PTPRK: variants seen among roughly 807,000 people sequenced by gnomAD.
PTPRK encodes protein tyrosine phosphatase receptor type K, also known as receptor-type tyrosine-protein phosphatase kappa.
Under a neutral mutation model 178.0 loss-of-function variants are expected in PTPRK, and 75 were observed. The ratio of observed to expected loss-of-function variants is 0.42; its 90% CI spans 0.35 to 0.51. PTPRK has a LOEUF of 0.51. Among genes scored for constraint, PTPRK ranks in the 20% least tolerant of loss-of-function variants. The pLI is 0.02. For missense variants in PTPRK, 1,441 were observed against 1,797.8 expected (o/e 0.80, Z 3.59); for synonymous variants, 637 against 620.6 (o/e 1.03, Z -0.39).
At chr6:128,147,619 C>T (rs1796676313) in intron 7 of PTPRK, among the ~76,000 whole-genome samples, 3 of 152,136 alleles carry the variant, frequency 2.0e-5, no homozygotes, top group Non-Finnish European at 4.4e-5. Context: ...AGACTTCTTC[C>T]TATCAGCAGC....
intron 1 of PTPRK, among the ~76,000 whole-genome samples, chr6:128,485,371 T>C (rs1372021529): frequency 2.0e-5 from 3 of 152,142 alleles, no homozygotes; most frequent in African/African-American, 7.2e-5. Context: ...AATGGAAAAA[T>C]CTCCTGGCAT....
At chr6:128,422,390 T>C (rs1245369859) in intron 1 of PTPRK, among the ~76,000 whole-genome samples, 2 of 151,902 alleles carry the variant, frequency 1.3e-5, no homozygotes, top group Non-Finnish European at 2.9e-5. Context: ...CAAAGAGAAA[T>C]AGGTAAGTGA....
At chr6:128,337,101 C>T (rs1831036110) in intron 2 of PTPRK, among the ~76,000 whole-genome samples, 1 of 152,146 alleles carries the variant, frequency 6.6e-6, no homozygotes, top group East Asian at 1.9e-4. Context: ...ATTCTCTTTT[C>T]TCCCCTAAGA....
At chr6:128,471,595 A>G (rs144599469) in intron 1 of PTPRK, among the ~76,000 whole-genome samples, 3,290 of 139,220 alleles carry the variant, frequency 0.024, 83 homozygotes, top group African/African-American at 0.066. Flanking sequence ...CACTAGATAC[A>G]AAACAACCTA....
intron 1 of PTPRK, among the ~76,000 whole-genome samples, chr6:128,442,702 T>A (rs187870011): frequency 6.6e-6 from 1 of 152,288 alleles, no homozygotes; most frequent in East Asian, 1.9e-4. Context: ...ACTAAACTTG[T>A]GCAAAAATGG....
rs111747124 is a variant in PTPRK at position 128,242,693 on chromosome 6, T to C, written c.496-91A>G. Reference sequence around the variant, plus strand: ...ATAGCTAAATATATGCAAAAGTAAATCTAATTTTTGTTCAGTAAGAATTAA... The same window carrying C: ...ATAGCTAAATATATGCAAAAGTAAACCTAATTTTTGTTCAGTAAGAATTAA... On this transcript the variant is annotated intron_variant, in intron 3 of 29. Coordinates refer to ENST00000368226, the MANE Select transcript of PTPRK (RefSeq NM_002844.4). The C allele has an allele frequency of 3.6e-5, 53 of 1,483,384 alleles. No individual in the cohort carries two copies. The African/African-American group carries it at 4.6e-4, about 13-fold the overall frequency. The allele number at this position is 1,483,384 out of a possible 1,614,324, so 91.9% of individuals were successfully genotyped here. A position where few individuals can be genotyped will look rare whatever the true frequency, so the allele number is the denominator to read the frequency against.
chr6:127,994,804 C>T (rs1776960796), intron 18 of PTPRK, among the ~76,000 whole-genome samples: 1 of 151,680 alleles, frequency 6.6e-6, no homozygotes, highest in African/African-American at 2.4e-5. Context: ...AATTATTTTG[C>T]CTGAGTAATT....
chr6:128,146,406 TTA>T (rs1160116020), intron 7 of PTPRK, among the ~76,000 whole-genome samples: 3 of 150,432 alleles, frequency 2.0e-5, no homozygotes, highest in Non-Finnish European at 1.5e-5. Flanking sequence ...GTGTGTGTGT[TTA>T]TGTGTGTGTG....
chr6:127,970,203 T>C lies in PTPRK; in HGVS notation c.*24A>G. 1 of 1,580,992 alleles carries C rather than the reference T, an allele frequency of 6.3e-7. No individual in the cohort carries two copies. Among genetic ancestry groups the C allele is most frequent in the Non-Finnish European group, 8.7e-7 (1 of 1,154,602 alleles). On this transcript the variant is annotated 3_prime_UTR_variant, in exon 30 of 30. Transcript: ENST00000368226. ...ATAGATGGACAGGTTTCTTCATGGA[T>C]GCACTTTAAAGAGTCTCACCCAACT...
intron 6 of PTPRK, among the ~76,000 whole-genome samples, chr6:128,204,055 T>C (rs774063317): frequency 3.3e-5 from 5 of 152,114 alleles, no homozygotes; most frequent in Non-Finnish European, 5.9e-5. Context: ...CAAAACAGCA[T>C]AGTATTGATA....
At chr6:128,026,537 G>T (rs144554436) in intron 13 of PTPRK, among the ~76,000 whole-genome samples, 2,976 of 152,124 alleles carry the variant, frequency 0.02, 48 homozygotes, top group Admixed American at 0.039. Context: ...TGCTCTCTAG[G>T]CTTGTTCTGA....
intron 2 of PTPRK, among the ~76,000 whole-genome samples, chr6:128,348,912 T>C (rs779676050): frequency 6.6e-6 from 1 of 152,058 alleles, no homozygotes; most frequent in African/African-American, 2.4e-5. Context: ...GAAATGACTG[T>C]GTCCTTATTA....
intron 13 of PTPRK, among the ~76,000 whole-genome samples, chr6:128,043,643 CA>C (rs5879874): frequency 1.3e-4 from 20 of 150,470 alleles, no homozygotes; most frequent in African/African-American, 3.4e-4. Context: ...CTTGAAGGGG[CA>C]AAAAAAAAAG....
At chr6:128,427,407 G>T (rs559303991) in intron 1 of PTPRK, among the ~76,000 whole-genome samples, 4 of 152,258 alleles carry the variant, frequency 2.6e-5, no homozygotes, top group African/African-American at 9.6e-5. Context: ...GAACTACTGT[G>T]CAGTTACATT....
chr6:128,104,948 A>G (rs1301954186), intron 7 of PTPRK, among the ~76,000 whole-genome samples: 1 of 152,224 alleles, frequency 6.6e-6, no homozygotes, highest in Non-Finnish European at 1.5e-5. Flanking sequence ...GAAAGTGTAA[A>G]CATAAAGATG....
intron 1 of PTPRK, among the ~76,000 whole-genome samples, chr6:128,478,413 G>A (rs1015360562): frequency 7.9e-5 from 12 of 152,144 alleles, no homozygotes; most frequent in African/African-American, 2.4e-4. Flanking sequence ...TGCTAGTTCC[G>A]GAACTGCTCT....
chr6:128,299,812 G>A (rs911522493), intron 3 of PTPRK, among the ~76,000 whole-genome samples: 1 of 152,136 alleles, frequency 6.6e-6, no homozygotes, highest in African/African-American at 2.4e-5. Context: ...ATAGGCATGG[G>A]AAAGGACTTC....
chr6:128,453,089 C>G (rs1182677094), intron 1 of PTPRK, among the ~76,000 whole-genome samples: 1 of 152,140 alleles, frequency 6.6e-6, no homozygotes, highest in Non-Finnish European at 1.5e-5. Context: ...ACCTTATAAC[C>G]ACTTTGAAAA....
chr6:128,063,636 C>A (rs538269515), intron 13 of PTPRK: 20 of 152,334 alleles, frequency 1.3e-4, no homozygotes, highest in African/African-American at 4.3e-4. Context: ...AATCCTTATA[C>A]ATCGTATGTA....
Sources: allele counts gnomAD v4.1 joint callset (sites outside exome capture counted in the v4.1 genomes callset), GRCh38; gene constraint gnomAD v4.1.1; transcripts MANE v1.5; gene names NCBI Gene and HGNC (gene_info 2026-07-23, HGNC 2026-07-21).